Variants in ENTHD1 observed in about 807,000 individuals in gnomAD.
ENTHD1 encodes the protein ENTH domain containing 1, also known as ENTH domain-containing protein 1.
A neutral mutation model predicts 39.1 loss-of-function variants in ENTHD1; 23 were observed. The ratio of observed to expected loss-of-function variants is 0.59; its 90% CI spans 0.42 to 0.83. ENTHD1 has a LOEUF of 0.83. Among genes scored for constraint, ENTHD1 ranks in the 40% least tolerant of loss-of-function variants. The pLI, the probability that ENTHD1 is intolerant of heterozygous loss-of-function variation, is 0.00. For missense variants in ENTHD1, 624 were observed against 705.4 expected, an observed-to-expected ratio of 0.88 and a Z score of 1.31; for synonymous variants, 230 against 258.2, an observed-to-expected ratio of 0.89 and a Z score of 1.05.
intron 5 of ENTHD1, among the ~76,000 whole-genome samples, chr22:39,792,103 T>C (rs1484104158): frequency 6.6e-6 from 1 of 152,206 alleles, no homozygotes; most frequent in Non-Finnish European, 1.5e-5. Context: ...TTCCATGGTG[T>C]ATATGTACCA....
chr22:39,807,801 G>C (rs969787209), intron 5 of ENTHD1, among the ~76,000 whole-genome samples: 20 of 152,132 alleles, frequency 1.3e-4, no homozygotes, highest in African/African-American at 3.6e-4. Context: ...GACTAAGATA[G>C]ATCAGAGTAC....
chr22:39,824,680 A>G (rs1192652836), intron 4 of ENTHD1, among the ~76,000 whole-genome samples: 2 of 152,154 alleles, frequency 1.3e-5, no homozygotes, highest in Non-Finnish European at 2.9e-5. Context: ...TAATCCTCCT[A>G]CATTGAATTT....
chr22:39,781,281 T>A (rs1227989958), intron 5 of ENTHD1, among the ~76,000 whole-genome samples: 1 of 151,936 alleles, frequency 6.6e-6, no homozygotes, highest in African/African-American at 2.4e-5. Context: ...CTTAACCAAT[T>A]CAAAAAAGTA....
At chr22:39,779,800 T>A (rs529516132) in intron 5 of ENTHD1, among the ~76,000 whole-genome samples, 9 of 152,160 alleles carry the variant, frequency 5.9e-5, no homozygotes, top group Admixed American at 3.3e-4. Flanking sequence ...GTGTAGAAAG[T>A]TTTTTTCATT....
chr22:39,872,548 T>A (rs1456342059), intron 2 of ENTHD1, among the ~76,000 whole-genome samples: 2 of 152,238 alleles, frequency 1.3e-5, no homozygotes, highest in East Asian at 3.8e-4. Flanking sequence ...ATGTATTATG[T>A]CTTCCACAGT....
intron 5 of ENTHD1, among the ~76,000 whole-genome samples, chr22:39,788,591 T>C (rs993103021): frequency 2.6e-5 from 4 of 152,340 alleles, no homozygotes; most frequent in African/African-American, 7.2e-5. Flanking sequence ...ATAAATGTAG[T>C]TGATACAGCA....
intron 5 of ENTHD1, among the ~76,000 whole-genome samples, chr22:39,775,077 C>T (rs2065356243): frequency 6.6e-6 from 1 of 152,158 alleles, no homozygotes; most frequent in South Asian, 2.1e-4. Context: ...TCTGCTATTA[C>T]ATAGTACAAT....
At chr22:39,763,853 T>C (rs375430337) in intron 6 of ENTHD1, among the ~76,000 whole-genome samples, 1 of 152,030 alleles carries the variant, frequency 6.6e-6, no homozygotes, top group Non-Finnish European at 1.5e-5. Context: ...GTGGTATTCA[T>C]GAAATAAAAA....
intron 4 of ENTHD1, among the ~76,000 whole-genome samples, chr22:39,824,493 G>T (rs189700876): frequency 6.6e-6 from 1 of 152,176 alleles, no homozygotes; most frequent in African/African-American, 2.4e-5. Context: ...ACAGGGGTGA[G>T]CCACCGCACC....
At chr22:39,875,549 G>C in intron 2 of ENTHD1, 11 of 1,611,416 alleles carry the variant, frequency 6.8e-6, no homozygotes, top group Non-Finnish European at 9.3e-6. Flanking sequence ...CAAGGTGCCT[G>C]ACTTCTCTGA....
At chr22:39,812,783 T>G (rs2065701198) in intron 5 of ENTHD1, among the ~76,000 whole-genome samples, 1 of 151,892 alleles carries the variant, frequency 6.6e-6, no homozygotes. Context: ...CCCTTTGTCT[T>G]TTTTTTTGTT....
intron 2 of ENTHD1, among the ~76,000 whole-genome samples, chr22:39,884,372 G>A (rs112912140): frequency 0.061 from 9,226 of 152,036 alleles, 384 homozygotes; most frequent in South Asian, 0.13. Context: ...TAAAGATGGG[G>A]TTTCACCATG....
intron 6 of ENTHD1, among the ~76,000 whole-genome samples, chr22:39,763,780 G>A (rs1290439513): frequency 3.3e-5 from 5 of 152,122 alleles, no homozygotes; most frequent in Non-Finnish European, 2.9e-5. Flanking sequence ...GGAACTTCTC[G>A]CTAAATTTTA....
chr22:39,875,917 A>G, intron 2 of ENTHD1: 3 of 1,613,920 alleles, frequency 1.9e-6, no homozygotes, highest in South Asian at 2.2e-5. Flanking sequence ...AGAAACCTGA[A>G]TGGGTTATCC....
chr22:39,856,838 G>A (rs1359371648), intron 3 of ENTHD1, among the ~76,000 whole-genome samples: 6 of 140,228 alleles, frequency 4.3e-5, no homozygotes, highest in Admixed American at 7.4e-5. Context: ...GGGTGACAGA[G>A]CAAGACCCTG....
intron 4 of ENTHD1, among the ~76,000 whole-genome samples, chr22:39,826,703 T>C (rs2065829306): frequency 1.3e-5 from 2 of 152,124 alleles, no homozygotes; most frequent in Non-Finnish European, 2.9e-5. Context: ...GATTGATTGA[T>C]TGTAAAAATT....
At chr22:39,793,933 G>C (rs909738834) in intron 5 of ENTHD1, among the ~76,000 whole-genome samples, 19 of 152,030 alleles carry the variant, frequency 1.2e-4, no homozygotes, top group African/African-American at 4.6e-4. Context: ...GGATCACTTC[G>C]GCTATTTGGA....
intron 4 of ENTHD1, among the ~76,000 whole-genome samples, chr22:39,833,339 C>T (rs1486246993): frequency 6.6e-6 from 1 of 152,068 alleles, no homozygotes; most frequent in Non-Finnish European, 1.5e-5. Context: ...AGATAACCAG[C>T]CATTGGAGGA....
At chr22:39,869,122 C>A (rs903382686) in intron 2 of ENTHD1, among the ~76,000 whole-genome samples, 1 of 152,102 alleles carries the variant, frequency 6.6e-6, no homozygotes, top group Non-Finnish European at 1.5e-5. Flanking sequence ...AGGTATATAT[C>A]CAAAAGGAAA....
Sources: gnomAD v4.1 joint callset for allele counts (sites outside exome capture counted in the v4.1 genomes callset) on GRCh38, gnomAD v4.1.1 for gene constraint, MANE v1.5 for transcripts, NCBI Gene and HGNC (gene_info 2026-07-23, HGNC 2026-07-21) for gene names.